The following TMEM150C variants were observed in gnomAD, a reference collection of about 807,000 sequenced individuals.
TMEM150C encodes the protein tentonin 3.
In TMEM150C, 10 loss-of-function variants were observed where a neutral mutation model predicts 29.9. That is an observed-to-expected ratio of 0.33 (90% CI 0.21 to 0.57). The LOEUF (loss-of-function observed/expected upper bound fraction) is 0.57, where lower values mean the gene tolerates loss of function less well. Ranked by LOEUF, TMEM150C falls within the 20% of genes least tolerant of loss-of-function variation. TMEM150C has a pLI of 0.88. For synonymous variants in TMEM150C, 101 were observed against 112.5 expected (o/e 0.90, Z 0.64); for missense variants, 251 against 303.6 (o/e 0.83, Z 1.29).
Position 82,504,573 on chromosome 4 carries a change from C to G in TMEM150C, c.80+5G>C. 6.2e-7 allele frequency: 1 copy of G among 1,608,344 alleles called. No individual in the cohort carries two copies. Among genetic ancestry groups the G allele is most frequent in the Non-Finnish European group, 8.5e-7 (1 of 1,175,572 alleles). ...CCTTAAATAATTAAATGAGCAAATACTCACACTATCCACAATCCAGCTGAA... is the reference window on the plus strand; with the variant it reads ...CCTTAAATAATTAAATGAGCAAATAGTCACACTATCCACAATCCAGCTGAA... On this transcript the variant is annotated splice_donor_5th_base_variant and intron_variant, in intron 2 of 7. Transcript: ENST00000449862.
intron 1 of TMEM150C, among the ~76,000 whole-genome samples, chr4:82,511,818 C>T (rs188962963): frequency 2.9e-3 from 440 of 152,316 alleles, no homozygotes; most frequent in Non-Finnish European, 3.7e-3. Context: ...CTTCTACCAG[C>T]ACTTCAATTC....
At chr4:82,525,554 A>G (rs1335375044) in intron 1 of TMEM150C, among the ~76,000 whole-genome samples, 2 of 152,284 alleles carry the variant, frequency 1.3e-5, no homozygotes, top group Non-Finnish European at 2.9e-5. Context: ...TAATTAAAAG[A>G]TAACATTCCA....
In TMEM150C at chr4:82,504,611, A is replaced by C. The variant is rs753232678; in HGVS notation, c.47T>G (p.Phe16Cys). The change falls in exon 2 of 8, where the codon TTT becomes TGT. Residue 16 changes from phenylalanine to cysteine, a missense_variant. Transcript: ENST00000449862. ...CAATCCAGCTGAAGTAAACAAAGTA[A>C]ATACAAGAGGTAGGAACATCCATAC... ...CSVWMFLPLV[F>C]TLFTSAGLWI... 1.4e-5 allele frequency: 22 copies of C among 1,613,750 alleles called. No individual in the cohort carries two copies. In the South Asian group the frequency reaches 2.4e-4, roughly 18 times the overall value.
intron 6 of TMEM150C, among the ~76,000 whole-genome samples, chr4:82,493,094 A>AT (rs1723425969): frequency 2.0e-5 from 3 of 151,368 alleles, no homozygotes; most frequent in Admixed American, 1.3e-4. Context: ...TGAAAGTATT[A>AT]TTTTTTTGAA....
chr4:82,487,593 G>T (rs987445479), intron 7 of TMEM150C, among the ~76,000 whole-genome samples: 1 of 152,140 alleles, frequency 6.6e-6, no homozygotes, highest in African/African-American at 2.4e-5. Flanking sequence ...GCAGAGTTTT[G>T]ATCTTTTTGT....
Position 82,490,165 on chromosome 4 carries a change from A to T in TMEM150C, c.437T>A (p.Ile146Asn). 6.2e-7 allele frequency: 1 copy of T among 1,614,002 alleles called. No homozygotes were observed. The highest frequency in any genetic ancestry group is 8.5e-7 in the Non-Finnish European group (1 of 1,179,870). Residue 146 changes from isoleucine (I) to asparagine (N), a missense_variant, in exon 7 of 8, where the codon ATC becomes AAC. Ile to Asn is a moderately radical substitution (Grantham distance 149). Coordinates refer to ENST00000449862, the MANE Select transcript of TMEM150C (RefSeq NM_001080506.3). ...GACCTTGAGTGTCAGCGCAGCCTGG[A>T]TCCAGCAGGTCAATGTGCCAAATCC... ...TFGFGTLTCW[I>N]QAALTLKVNI... is the part of the protein sequence containing the mutation.
intron 1 of TMEM150C, among the ~76,000 whole-genome samples, chr4:82,505,868 A>T (rs1244621587): frequency 6.6e-6 from 1 of 152,194 alleles, no homozygotes; most frequent in African/African-American, 2.4e-5. Flanking sequence ...TAAAGAAATA[A>T]CTATCACTTT....
At chr4:82,494,967 G>A (rs1723492806) in intron 6 of TMEM150C, 3 of 640,116 alleles carry the variant, frequency 4.7e-6, no homozygotes, top group Non-Finnish European at 5.5e-6. Flanking sequence ...AGCATATTCT[G>A]CAGCCTCTTC....
At chr4:82,486,871 G>C (rs900505625) in intron 7 of TMEM150C, among the ~76,000 whole-genome samples, 1 of 152,136 alleles carries the variant, frequency 6.6e-6, no homozygotes, top group Non-Finnish European at 1.5e-5. Flanking sequence ...GAGGAGCTGG[G>C]AAGAAGGGTA....
At chr4:82,492,023 T>C (rs1723368836) in intron 6 of TMEM150C, among the ~76,000 whole-genome samples, 1 of 150,216 alleles carries the variant, frequency 6.7e-6, no homozygotes, top group African/African-American at 2.5e-5. Flanking sequence ...GCAATCTCTG[T>C]TTCCTGGGTT....
In TMEM150C at chr4:82,492,864, GTATATATATATATATA is replaced by G. The variant is rs58169287; in HGVS notation, c.364-2642_364-2627del. On this transcript the variant is annotated intron_variant, in intron 6 of 7. Coordinates refer to ENST00000449862, the MANE Select transcript of TMEM150C (RefSeq NM_001080506.3). ...CATCAAACCTAGCGTATATGTTTGT[GTATATATATATATATA>G]TATATATATATATATATATGTATTT... Among the ~76,000 whole-genome samples the G allele has an allele frequency of 5.8e-4, 52 of 90,272 alleles. No individual in the cohort carries two copies. The South Asian group carries it at 0.013, about 22-fold the overall frequency. The allele number at this position is 90,272 out of a possible 152,430, so 59.2% of individuals were successfully genotyped here.
intron 1 of TMEM150C, among the ~76,000 whole-genome samples, chr4:82,522,773 TG>T (rs1166052896): frequency 2.6e-5 from 4 of 151,704 alleles, no homozygotes; most frequent in African/African-American, 4.8e-5. Flanking sequence ...AGGAGCTGGG[TG>T]GGGGGCTGTG....
intron 1 of TMEM150C, among the ~76,000 whole-genome samples, chr4:82,521,471 C>T (rs976820599): frequency 6.6e-6 from 1 of 152,196 alleles, no homozygotes; most frequent in African/African-American, 2.4e-5. Context: ...CAAATAACTA[C>T]AGCATGCGGA....
chr4:82,487,656 T>C (rs1464728319), intron 7 of TMEM150C, among the ~76,000 whole-genome samples: 2 of 152,212 alleles, frequency 1.3e-5, no homozygotes, highest in Admixed American at 1.3e-4. Context: ...TGGCTTGAAC[T>C]TAAGTCCTTA....
chr4:82,544,440 C>T (rs1350897614), intron 1 of TMEM150C, among the ~76,000 whole-genome samples: 3 of 152,166 alleles, frequency 2.0e-5, no homozygotes, highest in South Asian at 2.1e-4. Flanking sequence ...AAGGCCCTGC[C>T]CACCTGACCC....
intron 6 of TMEM150C, among the ~76,000 whole-genome samples, chr4:82,492,424 G>A (rs747890104): frequency 1.3e-4 from 19 of 151,888 alleles, no homozygotes; most frequent in Non-Finnish European, 2.6e-4. Context: ...CAACACACCC[G>A]GCCCTAATTC....
chr4:82,486,122 T>G (rs537154014), intron 7 of TMEM150C, among the ~76,000 whole-genome samples: 1 of 152,238 alleles, frequency 6.6e-6, no homozygotes, highest in South Asian at 2.1e-4. Context: ...TTGGCTGAGC[T>G]GGGCTCAAAC....
At chr4:82,511,339 T>G (rs942828091) in intron 1 of TMEM150C, among the ~76,000 whole-genome samples, 1 of 152,202 alleles carries the variant, frequency 6.6e-6, no homozygotes, top group Non-Finnish European at 1.5e-5. Flanking sequence ...TTTTCTCCAA[T>G]GCTGTCTTGA....
rs1723291934 is a variant in TMEM150C, at chr4:82,490,213, TTA to T, written c.387_388del (p.His129GlnfsTer30). On this transcript the variant is annotated frameshift_variant, in exon 7 of 8. Coordinates refer to ENST00000449862, the MANE Select transcript of TMEM150C (RefSeq NM_001080506.3). LOFTEE classifies it high-confidence loss of function. The stretch of plus-strand genomic sequence containing the variant: ...TCCAAAGGTCAAGGAAGTTCCGACG[TTA>T]TGGATTTCTTCATCATTTGTGAGCT... The T allele has an allele frequency of 6.2e-7, 1 of 1,613,982 alleles. No individual in the cohort carries two copies. Among genetic ancestry groups the T allele is most frequent in the East Asian group, 2.2e-5 (1 of 44,880 alleles).
Sources: gnomAD v4.1 joint callset for allele counts (sites outside exome capture counted in the v4.1 genomes callset) on GRCh38, gnomAD v4.1.1 for gene constraint, MANE v1.5 for transcripts, NCBI Gene and HGNC (gene_info 2026-07-23, HGNC 2026-07-21) for gene names.